Variants in MOB3B observed in about 807,000 individuals in gnomAD.
MOB3B encodes MOB kinase activator-like 2B.
Under a neutral mutation model 18.7 loss-of-function variants are expected in MOB3B, and 7 were observed. That is an observed-to-expected ratio of 0.37 (90% CI 0.21 to 0.70). MOB3B has a LOEUF of 0.70. Among genes scored for constraint, MOB3B ranks in the 30% least tolerant of loss-of-function variants. The pLI, the probability that MOB3B is intolerant of heterozygous loss-of-function variation, is 0.52. For missense variants in MOB3B, 253 were observed against 281.3 expected, an observed-to-expected ratio of 0.90 and a Z score of 0.72; for synonymous variants, 111 against 99.9, an observed-to-expected ratio of 1.11 and a Z score of -0.66.
chr9:27,492,595 A>G (rs1819835155), intron 1 of MOB3B, among the ~76,000 whole-genome samples: 1 of 152,222 alleles, frequency 6.6e-6, no homozygotes. Flanking sequence ...CCATTTACCA[A>G]AACTGCATCT....
rs559806304 is a variant in MOB3B, at chr9:27,416,544, ATTTTTT to A, written c.418+38583_418+38588del. Among the ~76,000 whole-genome samples, 30 of 121,422 alleles carry A rather than the reference ATTTTTT, an allele frequency of 2.5e-4. 1 individual carries two copies. Among genetic ancestry groups the A allele is most frequent in the African/African-American group, 5.3e-4 (18 of 33,946 alleles). The allele number at this position is 121,422 out of a possible 152,430, so 79.7% of individuals were successfully genotyped here. On this transcript the variant is annotated intron_variant, in intron 2 of 3. Transcript: ENST00000262244. ...GAACCCCTGGAGTAATTTCTTTTTA[ATTTTTT>A]TTTTTTTTTTTTTTTTTTTTGAGAT... is the stretch of plus-strand genomic sequence containing the variant.
intron 1 of MOB3B, among the ~76,000 whole-genome samples, chr9:27,482,555 G>A (rs894893867): frequency 6.6e-6 from 1 of 152,210 alleles, no homozygotes; most frequent in South Asian, 2.1e-4. Flanking sequence ...TTACTATGAG[G>A]TAAGGTCTCA....
Position 27,509,320 on chromosome 9 carries a change from A to C in MOB3B, c.-199+20235T>G, listed in dbSNP as rs1820107044. 2.0e-5 allele frequency among the ~76,000 whole-genome samples: 3 copies of C among 152,170 alleles called. No homozygotes were observed. The East Asian group carries it at 5.8e-4, about 29-fold the overall frequency. On this transcript the variant is annotated intron_variant, in intron 1 of 3. Coordinates refer to ENST00000262244, the MANE Select transcript of MOB3B (RefSeq NM_024761.5). ...AGGGAGAGAGAGGGAGGGAGAGAAG[A>C]GAAGGAGGGAAGGAAATTCCCCAAA... is the stretch of plus-strand genomic sequence containing the variant.
intron 2 of MOB3B, among the ~76,000 whole-genome samples, chr9:27,401,851 A>C (rs543846203): frequency 6.6e-6 from 1 of 152,358 alleles, no homozygotes; most frequent in East Asian, 1.9e-4. Context: ...ATGAGTAACC[A>C]CAACAATTTT....
chr9:27,501,297 C>T lies in MOB3B; in HGVS notation c.-199+28258G>A, dbSNP rs571422367. On this transcript the variant is annotated intron_variant, in intron 1 of 3. Transcript: ENST00000262244. ...AATCATGCTACTATAAAGACACATGCACACGTATGTTTATTGCGGCACTAT... is the reference window on the plus strand; with the variant it reads ...AATCATGCTACTATAAAGACACATGTACACGTATGTTTATTGCGGCACTAT... 9.9e-5 allele frequency among the ~76,000 whole-genome samples: 15 copies of T among 152,266 alleles called. No homozygotes were observed. The South Asian group carries it at 3.1e-3, about 32-fold the overall frequency.
chr9:27,438,413 C>T (rs2120718), intron 2 of MOB3B, among the ~76,000 whole-genome samples: 27,972 of 152,148 alleles, frequency 0.18, 2,867 homozygotes, highest in Middle Eastern at 0.27. Flanking sequence ...TCCCCTTCAG[C>T]TGAAGGAGGC....
chr9:27,491,106 A>G (rs9969707), intron 1 of MOB3B, among the ~76,000 whole-genome samples: 28,047 of 152,082 alleles, frequency 0.18, 2,868 homozygotes, highest in Middle Eastern at 0.26. Flanking sequence ...TGTATATATT[A>G]TTTCTTCGGA....
chr9:27,455,104 A>G, intron 2 of MOB3B, 29 bp downstream of exon 2: 1 of 1,613,646 alleles, frequency 6.2e-7, no homozygotes, highest in Non-Finnish European at 8.5e-7. Flanking sequence ...GCAGGTGACA[A>G]AAAAACTGAG....
At chr9:27,492,549 T>C (rs1266670795) in intron 1 of MOB3B, among the ~76,000 whole-genome samples, 1 of 152,174 alleles carries the variant, frequency 6.6e-6, no homozygotes, top group Non-Finnish European at 1.5e-5. Flanking sequence ...TCATCTAGCA[T>C]CTAGCACCAT....
chr9:27,450,389 G>A (rs903293565), intron 2 of MOB3B, among the ~76,000 whole-genome samples: 1 of 152,160 alleles, frequency 6.6e-6, no homozygotes, highest in East Asian at 1.9e-4. Flanking sequence ...GGAGTTATGG[G>A]CCAGCAGAGG....
At chr9:27,333,916 G>A (rs1820825681) in intron 3 of MOB3B, among the ~76,000 whole-genome samples, 2 of 152,088 alleles carry the variant, frequency 1.3e-5, no homozygotes, top group Non-Finnish European at 2.9e-5. Context: ...ACTTCTCCAG[G>A]TCTCCAACTG....
At chr9:27,407,589 G>A (rs568535616) in intron 2 of MOB3B, among the ~76,000 whole-genome samples, 4 of 152,266 alleles carry the variant, frequency 2.6e-5, no homozygotes, top group Admixed American at 2.6e-4. Context: ...TCTTCTTGGA[G>A]AAGCAGTGGT....
intron 1 of MOB3B, among the ~76,000 whole-genome samples, chr9:27,463,815 G>A (rs1819331884): frequency 6.6e-6 from 1 of 151,828 alleles, no homozygotes; most frequent in African/African-American, 2.4e-5. Context: ...ACAAAAATTA[G>A]CCCAGTGGGA....
At chr9:27,498,918 G>T (rs970821606) in intron 1 of MOB3B, among the ~76,000 whole-genome samples, 35 of 152,124 alleles carry the variant, frequency 2.3e-4, no homozygotes, top group Non-Finnish European at 4.3e-4. Context: ...ATCTCTGTGG[G>T]CCAAAATAGG....
At chr9:27,406,908 G>A (rs1345068596) in intron 2 of MOB3B, among the ~76,000 whole-genome samples, 2 of 151,494 alleles carry the variant, frequency 1.3e-5, no homozygotes, top group East Asian at 1.9e-4. Context: ...GCATGATCTC[G>A]GCTCACTGCA....
chr9:27,459,664 C>T (rs1242917719), intron 1 of MOB3B, among the ~76,000 whole-genome samples: 1 of 151,970 alleles, frequency 6.6e-6, no homozygotes, highest in African/African-American at 2.4e-5. Context: ...ATCGCCTTGA[C>T]AGATGGTGAC....
intron 2 of MOB3B, chr9:27,391,855 G>A (rs1821733057): frequency 6.6e-6 from 1 of 152,206 alleles, no homozygotes; most frequent in South Asian, 2.1e-4. Context: ...TTGAGAGGAA[G>A]TGCTTAAAGC....
chr9:27,371,094 C>T (rs1465472183), intron 2 of MOB3B, among the ~76,000 whole-genome samples: 1 of 152,154 alleles, frequency 6.6e-6, no homozygotes, highest in Non-Finnish European at 1.5e-5. Flanking sequence ...TGGTTATTTT[C>T]ATCTAAATAA....
At chr9:27,349,243 T>G (rs1369151425) in intron 3 of MOB3B, among the ~76,000 whole-genome samples, 1 of 152,212 alleles carries the variant, frequency 6.6e-6, no homozygotes, top group Non-Finnish European at 1.5e-5. Context: ...TATAAAATTG[T>G]TTCATAGGAG....
Sources: allele counts gnomAD v4.1 joint callset (sites outside exome capture counted in the v4.1 genomes callset), GRCh38; gene constraint gnomAD v4.1.1; transcripts MANE v1.5; gene names NCBI Gene and HGNC (gene_info 2026-07-23, HGNC 2026-07-21).